Variants in B3GALT1 observed in about 807,000 individuals in gnomAD.
B3GALT1 encodes the protein beta-1,3-galactosyltransferase 1.
B3GALT1 carries 10 observed loss-of-function variants against 23.2 expected under a neutral mutation model. That is an observed-to-expected ratio of 0.43 (90% CI 0.27 to 0.73). The LOEUF (loss-of-function observed/expected upper bound fraction) is 0.73. Ranked by LOEUF, B3GALT1 falls within the 30% of genes least tolerant of loss-of-function variation. B3GALT1 has a pLI of 0.21. For missense variants in B3GALT1, 299 were observed against 405.4 expected, an observed-to-expected ratio of 0.74 and a Z score of 2.25; for synonymous variants, 156 against 141.5, an observed-to-expected ratio of 1.10 and a Z score of -0.73.
chr2:167,771,028 A>G (rs983534518), intron 3 of B3GALT1, among the ~76,000 whole-genome samples: 22 of 152,214 alleles, frequency 1.4e-4, no homozygotes, highest in African/African-American at 5.3e-4. Flanking sequence ...TACAGAAAGA[A>G]TAGGCTTTTA....
In B3GALT1 at chr2:167,649,855, A is replaced by G. The variant is rs573706506; in HGVS notation, c.-352+2889A>G. The stretch of plus-strand genomic sequence containing the variant: ...TTTAGGATTTTCTATAGATAAGATC[A>G]TTTCATCAGCAAATATTCTTGCCTC... On this transcript the variant is annotated intron_variant, in intron 3 of 4. Transcript: ENST00000392690. Among the ~76,000 whole-genome samples, 12 of 152,158 alleles carry G rather than the reference A, an allele frequency of 7.9e-5. No homozygotes were observed. In the South Asian group the frequency reaches 2.5e-3, roughly 32 times the overall value.
intron 1 of B3GALT1, among the ~76,000 whole-genome samples, chr2:167,465,235 A>T (rs1053315058): frequency 6.6e-6 from 1 of 152,146 alleles, no homozygotes; most frequent in East Asian, 1.9e-4. Context: ...TTTTAGTGAC[A>T]GGGTTCCAAC....
At chr2:167,653,105 A>G (rs1007481697) in intron 3 of B3GALT1, among the ~76,000 whole-genome samples, 1 of 152,202 alleles carries the variant, frequency 6.6e-6, no homozygotes, top group Admixed American at 6.5e-5. Context: ...AAAAATATGT[A>G]CATATGTTAA....
At chr2:167,533,948 T>C (rs1203021635) in intron 2 of B3GALT1, among the ~76,000 whole-genome samples, 1 of 152,214 alleles carries the variant, frequency 6.6e-6, no homozygotes, top group Non-Finnish European at 1.5e-5. Context: ...CTCAGCACTT[T>C]GAAAATGATA....
intron 2 of B3GALT1, among the ~76,000 whole-genome samples, chr2:167,501,922 T>G (rs1699854671): frequency 6.6e-6 from 1 of 152,158 alleles, no homozygotes; most frequent in Admixed American, 6.6e-5. Flanking sequence ...TCATTTCTGT[T>G]TTACACTCTT....
chr2:167,630,633 A>G (rs187861508), intron 2 of B3GALT1, among the ~76,000 whole-genome samples: 6 of 150,314 alleles, frequency 4.0e-5, no homozygotes, highest in African/African-American at 1.5e-4. Context: ...TTATTCAGCA[A>G]AAAAAAAAGC....
rs566079040 is a variant in B3GALT1, at chr2:167,564,681, C to T, written c.-410+74404C>T. Among the ~76,000 whole-genome samples the T allele has an allele frequency of 6.6e-5, 10 of 152,260 alleles. No individual in the cohort carries two copies. The East Asian group carries it at 1.6e-3, about 24-fold the overall frequency. ...CTGGAGACCAGCCCGGCCAACACAG[C>T]GAATCCAAATCACAAGCATTCTTAT... On this transcript the variant is annotated intron_variant, in intron 2 of 4. Coordinates refer to ENST00000392690, the MANE Select transcript of B3GALT1 (RefSeq NM_020981.4).
At chr2:167,313,229 A>G (rs1696660612) in intron 1 of B3GALT1, among the ~76,000 whole-genome samples, 1 of 151,956 alleles carries the variant, frequency 6.6e-6, no homozygotes, top group South Asian at 2.1e-4. Context: ...CTCCCCTTGG[A>G]GTAACTTGTA....
chr2:167,379,482 G>A (rs1697813105), intron 1 of B3GALT1, among the ~76,000 whole-genome samples: 1 of 152,034 alleles, frequency 6.6e-6, no homozygotes, highest in Admixed American at 6.6e-5. Context: ...TTGCTGTGTA[G>A]GGTTTTGACT....
At chr2:167,305,975 C>G (rs992510984) in intron 1 of B3GALT1, among the ~76,000 whole-genome samples, 1 of 152,040 alleles carries the variant, frequency 6.6e-6, no homozygotes, top group East Asian at 1.9e-4. Flanking sequence ...TTCAGATACT[C>G]TTTGGTGCAA....
At chr2:167,716,513 T>G (rs1184778996) in intron 3 of B3GALT1, among the ~76,000 whole-genome samples, 1 of 152,226 alleles carries the variant, frequency 6.6e-6, no homozygotes, top group Non-Finnish European at 1.5e-5. Flanking sequence ...TTAATGTTTG[T>G]GTAATATATC....
At chr2:167,705,045 A>T (rs1404078144) in intron 3 of B3GALT1, among the ~76,000 whole-genome samples, 1 of 151,900 alleles carries the variant, frequency 6.6e-6, no homozygotes, top group East Asian at 1.9e-4. Context: ...GTGCTATCCC[A>T]CTCTTGTCTC....
chr2:167,368,614 T>A (rs1017040263), intron 1 of B3GALT1, among the ~76,000 whole-genome samples: 5 of 152,210 alleles, frequency 3.3e-5, no homozygotes, highest in Non-Finnish European at 7.3e-5. Flanking sequence ...TGCGTAGGTC[T>A]GGTACTTTCG....
At chr2:167,740,976 G>C (rs1314597131) in intron 3 of B3GALT1, among the ~76,000 whole-genome samples, 1 of 152,194 alleles carries the variant, frequency 6.6e-6, no homozygotes, top group East Asian at 1.9e-4. Flanking sequence ...AGGTGTCATT[G>C]ATTCAGGGGT....
At chr2:167,308,689 C>T (rs748625906) in intron 1 of B3GALT1, among the ~76,000 whole-genome samples, 5 of 151,884 alleles carry the variant, frequency 3.3e-5, no homozygotes, top group Non-Finnish European at 7.4e-5. Context: ...AGGCTCATTT[C>T]CTGTTAGCTT....
intron 2 of B3GALT1, among the ~76,000 whole-genome samples, chr2:167,579,432 C>CTTTTTTTTTTTTT (rs71395297): frequency 6.4e-5 from 7 of 109,030 alleles, no homozygotes; most frequent in East Asian, 3.8e-4. Flanking sequence ...TTTTTTTTGT[C>CTTTTTTTTTTTTT]TTTTTTTTTT....
chr2:167,662,559 G>T (rs969881090), intron 3 of B3GALT1, among the ~76,000 whole-genome samples: 2 of 152,046 alleles, frequency 1.3e-5, no homozygotes, highest in African/African-American at 4.8e-5. Context: ...TATAATAGCC[G>T]ATTTACTACC....
At chr2:167,466,440 A>T (rs964213857) in intron 1 of B3GALT1, among the ~76,000 whole-genome samples, 1 of 151,638 alleles carries the variant, frequency 6.6e-6, no homozygotes, top group African/African-American at 2.4e-5. Context: ...CAACATGGTG[A>T]AACCCTGTCT....
intron 2 of B3GALT1, among the ~76,000 whole-genome samples, chr2:167,565,191 G>C (rs1208496981): frequency 6.6e-6 from 1 of 152,138 alleles, no homozygotes; most frequent in Non-Finnish European, 1.5e-5. Context: ...AGAGCCCTCA[G>C]AAATAATGCT....
Sources: allele counts gnomAD v4.1 joint callset (sites outside exome capture counted in the v4.1 genomes callset), GRCh38; gene constraint gnomAD v4.1.1; transcripts MANE v1.5; gene names NCBI Gene and HGNC (gene_info 2026-07-23, HGNC 2026-07-21).